Variants in THADA observed in about 807,000 individuals in gnomAD.
The protein encoded by THADA is THADA armadillo repeat containing.
In THADA, 213 loss-of-function variants were observed where a neutral mutation model predicts 219.8. The ratio of observed to expected loss-of-function variants is 0.97; its 90% CI spans 0.87 to 1.09. THADA has a LOEUF of 1.09. Among genes scored for constraint, THADA ranks in the 50% least tolerant of loss-of-function variants. THADA has a pLI of 0.00. For missense variants in THADA, 2,956 were observed against 2,311.3 expected (o/e 1.28, Z -5.72); for synonymous variants, 1,018 against 828.9 (o/e 1.23, Z -3.92).
chr2:43,249,520 G>C (rs1278929654), intron 36 of THADA, among the ~76,000 whole-genome samples: 4 of 152,160 alleles, frequency 2.6e-5, no homozygotes, highest in Non-Finnish European at 5.9e-5. Context: ...AAAGCCTTCA[G>C]TGCTCCCACA....
intron 29 of THADA, among the ~76,000 whole-genome samples, chr2:43,387,327 C>T (rs1338497947): frequency 6.6e-6 from 1 of 152,142 alleles, no homozygotes; most frequent in Non-Finnish European, 1.5e-5. Flanking sequence ...GGAACAAGGA[C>T]ATGAAGCAAG....
chr2:43,554,593 A>G (rs1574233944), intron 17 of THADA, among the ~76,000 whole-genome samples: 1 of 152,324 alleles, frequency 6.6e-6, no homozygotes. Flanking sequence ...AAAATGTAAG[A>G]TGAAACCACA....
At chr2:43,395,177 C>A (rs1673876368) in intron 29 of THADA, among the ~76,000 whole-genome samples, 1 of 152,192 alleles carries the variant, frequency 6.6e-6, no homozygotes, top group African/African-American at 2.4e-5. Context: ...AAAGTTCAGC[C>A]AAGAGTGGAT....
chr2:43,403,824 C>A (rs1414648631), intron 28 of THADA, among the ~76,000 whole-genome samples: 1 of 151,980 alleles, frequency 6.6e-6, no homozygotes, highest in African/African-American at 2.4e-5. Context: ...TGACCCCACA[C>A]CCCCAACACA....
intron 36 of THADA, among the ~76,000 whole-genome samples, chr2:43,262,596 A>T (rs1229927614): frequency 2.6e-5 from 4 of 152,196 alleles, no homozygotes; most frequent in Admixed American, 1.3e-4. Context: ...GACACATCAG[A>T]TTTTGCCTTT....
intron 22 of THADA, among the ~76,000 whole-genome samples, chr2:43,513,650 C>T (rs1281838470): frequency 6.6e-6 from 1 of 152,082 alleles, no homozygotes. Flanking sequence ...AATACCACTA[C>T]CTAATCTAGT....
chr2:43,550,647 TA>T (rs1696641876), intron 19 of THADA, among the ~76,000 whole-genome samples: 1 of 152,144 alleles, frequency 6.6e-6, no homozygotes, highest in Non-Finnish European at 1.5e-5. Flanking sequence ...ACTGATACCT[TA>T]AAACTCTTCA....
chr2:43,574,996 A>G lies in THADA; in HGVS notation c.1069T>C (p.Ser357Pro), dbSNP rs1307825787. ...IKEPTLEMFL[S>P]RILASWTNSA... ...TTAGTCCAGGATGCTAAGATTCTAGACAGAAACATTTCCAGCGTTGGCTCT... is the reference window on the plus strand; with the variant it reads ...TTAGTCCAGGATGCTAAGATTCTAGGCAGAAACATTTCCAGCGTTGGCTCT... Residue 357 changes from serine (S) to proline (P), a missense_variant, in exon 11 of 38, where the codon TCT (serine) becomes CCT (proline). Coordinates refer to ENST00000405975, the MANE Select transcript of THADA (RefSeq NM_022065.5). 6.2e-7 allele frequency: 1 copy of G among 1,612,752 alleles called. No homozygotes were observed. Among genetic ancestry groups the G allele is most frequent in the Non-Finnish European group, 8.5e-7 (1 of 1,179,286 alleles).
At chr2:43,495,856 G>A (rs1278460135) in intron 25 of THADA, among the ~76,000 whole-genome samples, 1 of 152,142 alleles carries the variant, frequency 6.6e-6, no homozygotes, top group African/African-American at 2.4e-5. Flanking sequence ...ACAGTATAAA[G>A]GCATTGCTCT....
At chr2:43,540,634 T>C (rs1695171662) in intron 21 of THADA, among the ~76,000 whole-genome samples, 4 of 152,168 alleles carry the variant, frequency 2.6e-5, no homozygotes, top group Admixed American at 2.6e-4. Flanking sequence ...ATGCTTGTGG[T>C]AAGCTAACTT....
chr2:43,485,880 T>C (rs1573890870), intron 25 of THADA, among the ~76,000 whole-genome samples: 2 of 150,686 alleles, frequency 1.3e-5, no homozygotes, highest in South Asian at 2.1e-4. Context: ...AAAAAAAAAG[T>C]ATTTTTTTAG....
intron 22 of THADA, among the ~76,000 whole-genome samples, chr2:43,517,968 G>T (rs1421099936): frequency 6.6e-6 from 1 of 152,156 alleles, no homozygotes; most frequent in South Asian, 2.1e-4. Flanking sequence ...CTCTTCTCCA[G>T]AAAAGGTGCT....
intron 26 of THADA, among the ~76,000 whole-genome samples, chr2:43,472,691 T>C (rs1248239395): frequency 2.0e-5 from 3 of 152,224 alleles, no homozygotes; most frequent in East Asian, 1.9e-4. Flanking sequence ...AAGTGTGTCA[T>C]TAGACAATTG....
intron 25 of THADA, among the ~76,000 whole-genome samples, chr2:43,489,159 G>A (rs535699258): frequency 1.3e-5 from 2 of 151,916 alleles, no homozygotes; most frequent in East Asian, 1.9e-4. Flanking sequence ...TCTTGATGCT[G>A]GTTAAGCTTT....
chr2:43,326,524 A>T (rs749460580), intron 30 of THADA, among the ~76,000 whole-genome samples: 4 of 152,182 alleles, frequency 2.6e-5, no homozygotes, highest in Non-Finnish European at 5.9e-5. Context: ...GCCTCCATCA[A>T]AGAAGTACCT....
At chr2:43,351,549 TCTC>T (rs1346772692) in intron 29 of THADA, among the ~76,000 whole-genome samples, 1 of 152,312 alleles carries the variant, frequency 6.6e-6, no homozygotes. Context: ...TGCTCCAACA[TCTC>T]CTTTAATTTG....
At chr2:43,359,572 T>C (rs1669260557) in intron 29 of THADA, among the ~76,000 whole-genome samples, 1 of 152,264 alleles carries the variant, frequency 6.6e-6, no homozygotes, top group South Asian at 2.1e-4. Context: ...CCCAGCTTCT[T>C]GAGAGGCTGA....
chr2:43,277,619 G>A (rs1469253790), intron 36 of THADA, among the ~76,000 whole-genome samples: 1 of 151,944 alleles, frequency 6.6e-6, no homozygotes. Flanking sequence ...TCTCAGAGGT[G>A]TGGAGCTCTT....
At chr2:43,437,824 C>CA (rs1680312812) in intron 26 of THADA, among the ~76,000 whole-genome samples, 1 of 152,042 alleles carries the variant, frequency 6.6e-6, no homozygotes, top group Non-Finnish European at 1.5e-5. Context: ...ATACAGGCCA[C>CA]AAATGGGGAG....
Sources: gnomAD v4.1 joint callset for allele counts (sites outside exome capture counted in the v4.1 genomes callset) on GRCh38, gnomAD v4.1.1 for gene constraint, MANE v1.5 for transcripts, NCBI Gene and HGNC (gene_info 2026-07-23, HGNC 2026-07-21) for gene names.